SLC25A48: variants seen among roughly 807,000 people sequenced by gnomAD.
SLC25A48 encodes solute carrier family 25 member 48.
A neutral mutation model predicts 32.2 loss-of-function variants in SLC25A48; 29 were observed. The observed-to-expected ratio is 0.90, with a 90% CI of 0.67 to 1.23. SLC25A48 has a LOEUF of 1.23. SLC25A48 is among the 50% of genes most tolerant of loss of function. The pLI is 0.00. For synonymous variants in SLC25A48, 164 were observed against 172.3 expected (o/e 0.95, Z 0.38); for missense variants, 399 against 422.7 (o/e 0.94, Z 0.49).
chr5:135,831,086 C>T (rs181171144), upstream of SLC25A48, among the ~76,000 whole-genome samples: 2 of 152,246 alleles, frequency 1.3e-5, no homozygotes, highest in East Asian at 1.9e-4. Flanking sequence ...GGAGAGGGAG[C>T]TGCAGGTGGA....
intron 3 of SLC25A48, among the ~76,000 whole-genome samples, chr5:135,796,029 G>T (rs1757165885): frequency 6.7e-6 from 1 of 148,280 alleles, no homozygotes; most frequent in Non-Finnish European, 1.5e-5. Context: ...GGGTGTAACT[G>T]CCCACTTATG....
chr5:135,840,386 T>C (rs562631657), intron 1 of SLC25A48, among the ~76,000 whole-genome samples: 1 of 152,346 alleles, frequency 6.6e-6, no homozygotes, highest in African/African-American at 2.4e-5. Flanking sequence ...TTCAGGTTTT[T>C]TCTTTACACA....
intron 1 of SLC25A48, among the ~76,000 whole-genome samples, chr5:135,840,564 C>T (rs1189724391): frequency 6.6e-6 from 1 of 152,210 alleles, no homozygotes; most frequent in Non-Finnish European, 1.5e-5. Flanking sequence ...TCAAGAGTCA[C>T]TCCCATTTCC....
In SLC25A48 at chr5:135,816,204, T is replaced by C. The variant is rs117542194; in HGVS notation, c.-117+3278T>C. Reference sequence around the variant, plus strand: ...CATCATCCAATTACCTCCCACCAGGTTCCTCCCTCAACATGTGGGGATTAC... The same window carrying C: ...CATCATCCAATTACCTCCCACCAGGCTCCTCCCTCAACATGTGGGGATTAC... On this transcript the variant is annotated intron_variant, in intron 4 of 10. Coordinates refer to the SLC25A48 transcript ENST00000646290. Among the ~76,000 whole-genome samples, 75 of 152,264 alleles carry C rather than the reference T, an allele frequency of 4.9e-4. 1 individual carries two copies. In the East Asian group the frequency reaches 0.013, roughly 26 times the overall value.
chr5:135,677,270 T>G (rs1753793669), intron 3 of SLC25A48, among the ~76,000 whole-genome samples: 1 of 152,134 alleles, frequency 6.6e-6, no homozygotes, highest in African/African-American at 2.4e-5. Flanking sequence ...CACTTTTGGT[T>G]TCTGTTTGCA....
chr5:135,643,156 T>G (rs968201492), intron 3 of SLC25A48, among the ~76,000 whole-genome samples: 1 of 152,236 alleles, frequency 6.6e-6, no homozygotes, highest in Admixed American at 6.5e-5. Context: ...GGACACGATG[T>G]ATTGTTCTGA....
intron 3 of SLC25A48, among the ~76,000 whole-genome samples, chr5:135,793,590 G>A (rs941824007): frequency 5.9e-5 from 9 of 151,792 alleles, no homozygotes; most frequent in African/African-American, 1.5e-4. Flanking sequence ...TACACCATGT[G>A]TGTATACTTT....
chr5:135,698,546 T>G (rs1653344370), intron 3 of SLC25A48, among the ~76,000 whole-genome samples: 1 of 152,060 alleles, frequency 6.6e-6, no homozygotes, highest in African/African-American at 2.4e-5. Flanking sequence ...AATAATAATT[T>G]GAGATGGATC....
intron 1 of SLC25A48, among the ~76,000 whole-genome samples, chr5:135,610,742 C>A (rs1752044884): frequency 1.3e-5 from 2 of 152,214 alleles, no homozygotes; most frequent in African/African-American, 4.8e-5. Context: ...CTCTCCAGAA[C>A]AGAGCTGACA....
At chr5:135,765,798 T>C (rs1490868240) in intron 3 of SLC25A48, among the ~76,000 whole-genome samples, 2 of 151,736 alleles carry the variant, frequency 1.3e-5, no homozygotes, top group African/African-American at 4.9e-5. Flanking sequence ...ACTCTCCATA[T>C]TGCAGGGGGC....
intron 3 of SLC25A48, among the ~76,000 whole-genome samples, chr5:135,739,783 T>C (rs1755459062): frequency 6.6e-6 from 1 of 152,130 alleles, no homozygotes; most frequent in Non-Finnish European, 1.5e-5. Context: ...CTGACTTCTT[T>C]TTTTTTTTAA....
intron 3 of SLC25A48, among the ~76,000 whole-genome samples, chr5:135,756,905 AAC>A (rs1335813610): frequency 1.3e-5 from 2 of 151,406 alleles, no homozygotes; most frequent in South Asian, 2.1e-4. Context: ...ATGTAGTATT[AAC>A]ACACTGTGAT....
intron 1 of SLC25A48, among the ~76,000 whole-genome samples, chr5:135,626,237 A>T (rs1403743263): frequency 6.6e-6 from 1 of 152,252 alleles, no homozygotes; most frequent in African/African-American, 2.4e-5. Context: ...ATTTAAAGTG[A>T]CAAATTCCTG....
chr5:135,632,533 G>A (rs763463981), intron 2 of SLC25A48, among the ~76,000 whole-genome samples: 39 of 152,146 alleles, frequency 2.6e-4, no homozygotes, highest in Non-Finnish European at 4.7e-4. Flanking sequence ...CAGAATGGGT[G>A]TACAAAGTCA....
At chr5:135,666,252 T>A (rs1753522822) in intron 3 of SLC25A48, among the ~76,000 whole-genome samples, 1 of 152,220 alleles carries the variant, frequency 6.6e-6, no homozygotes, top group Non-Finnish European at 1.5e-5. Context: ...CCCAGAGATC[T>A]GGTGAGACTA....
Position 135,711,321 on chromosome 5 carries a change from G to A in SLC25A48, c.-521+76365G>A, listed in dbSNP as rs1754657790. Among the ~76,000 whole-genome samples, 4 of 152,308 alleles carry A rather than the reference G, an allele frequency of 2.6e-5. No homozygotes were observed. In the South Asian group the frequency reaches 8.3e-4, roughly 32 times the overall value. On this transcript the variant is annotated intron_variant, in intron 3 of 10. Coordinates refer to the SLC25A48 transcript ENST00000646290. ...AAGAGATAGTCAGTCATATTCCAGA[G>A]CAGCTCAACCAAGGCACAAGAGGTG...
intron 3 of SLC25A48, among the ~76,000 whole-genome samples, chr5:135,678,753 A>G (rs535294679): frequency 4.6e-5 from 7 of 152,306 alleles, no homozygotes; most frequent in Non-Finnish European, 7.4e-5. Flanking sequence ...GATTCTAGAC[A>G]TATGTAGTAG....
chr5:135,750,826 A>G (rs1427656385), intron 3 of SLC25A48, among the ~76,000 whole-genome samples: 1 of 152,168 alleles, frequency 6.6e-6, no homozygotes, highest in Non-Finnish European at 1.5e-5. Flanking sequence ...CTCTGGGCTC[A>G]GGCATGTGAC....
intron 4 of SLC25A48, among the ~76,000 whole-genome samples, chr5:135,817,301 A>C (rs1020126274): frequency 6.6e-6 from 1 of 152,252 alleles, no homozygotes; most frequent in Non-Finnish European, 1.5e-5. Context: ...TAAAGTATCA[A>C]TAGTGCCAAG....
Sources: allele counts gnomAD v4.1 joint callset (sites outside exome capture counted in the v4.1 genomes callset), GRCh38; gene constraint gnomAD v4.1.1; transcripts MANE v1.5; gene names NCBI Gene and HGNC (gene_info 2026-07-23, HGNC 2026-07-21).